Variants in NCAM2 observed in about 807,000 individuals in gnomAD.
NCAM2 encodes neural cell adhesion molecule 2, also known as N-CAM-2.
Under a neutral mutation model 98.1 loss-of-function variants are expected in NCAM2, and 30 were observed. That is an observed-to-expected ratio of 0.31 (90% CI 0.23 to 0.41). The LOEUF is 0.41. NCAM2 is among the 10% of genes least tolerant of loss of function. NCAM2 has a pLI of 1.00. For synonymous variants in NCAM2, 368 were observed against 342.4 expected, an observed-to-expected ratio of 1.07 and a Z score of -0.83; for missense variants, 867 against 1,005.8, an observed-to-expected ratio of 0.86 and a Z score of 1.87.
chr21:21,280,246 T>A (rs2072880687), intron 1 of NCAM2, among the ~76,000 whole-genome samples: 1 of 152,116 alleles, frequency 6.6e-6, no homozygotes, highest in African/African-American at 2.4e-5. Flanking sequence ...ATCTTTTTTT[T>A]AGCTATTGCC....
intron 13 of NCAM2, among the ~76,000 whole-genome samples, chr21:21,467,493 C>T (rs1983873451): frequency 6.7e-6 from 1 of 148,258 alleles, no homozygotes; most frequent in East Asian, 1.9e-4. Flanking sequence ...GAGTATCTCT[C>T]TATTGGTAAT....
At chr21:21,402,382 G>A (rs1238237397) in intron 9 of NCAM2, among the ~76,000 whole-genome samples, 1 of 152,098 alleles carries the variant, frequency 6.6e-6, no homozygotes, top group Non-Finnish European at 1.5e-5. Flanking sequence ...ATAGGCCCTG[G>A]AGTCCTGCAG....
At chr21:21,368,517 C>A (rs1212508990) in intron 8 of NCAM2, among the ~76,000 whole-genome samples, 1 of 151,844 alleles carries the variant, frequency 6.6e-6, no homozygotes, top group Admixed American at 6.6e-5. Context: ...AAATTTATTT[C>A]TCACAGTTCT....
Position 21,284,385 on chromosome 21 carries a change from G to T in NCAM2, c.322G>T (p.Val108Phe). Residue 108 changes from valine to phenylalanine, a missense_variant, in exon 3 of 18, where the codon GTT becomes TTT. Physicochemically the swap from Val to Phe is conservative, Grantham distance 50. This residue lies in a region of NCAM2 where 447 missense variants were observed against 495.7 expected (regional missense o/e 0.90). Transcript: ENST00000400546. ...AGGACAAACACAAGAAGCTACAGTA[G>T]TTTTGGAAATTTACCGTAAGTAATG... ...AKGQTQEATV[V>F]LEIYQKLTFR... is the part of the protein sequence containing the mutation. 6.2e-7 allele frequency: 1 copy of T among 1,610,932 alleles called. No homozygotes were observed.
At chr21:21,449,998 T>G (rs1045001440) in intron 12 of NCAM2, among the ~76,000 whole-genome samples, 1 of 152,156 alleles carries the variant, frequency 6.6e-6, no homozygotes, top group Non-Finnish European at 1.5e-5. Context: ...TTTAAACTAA[T>G]GTACTGTTTT....
chr21:21,335,599 C>G lies in NCAM2; in HGVS notation c.832C>G (p.Pro278Ala). 1.2e-6 allele frequency: 2 copies of G among 1,611,590 alleles called. No individual in the cohort carries two copies. Residue 278 changes from proline to alanine, a missense_variant, in exon 7 of 18, where the codon CCT becomes GCT. Physicochemically the swap from Pro to Ala is conservative, Grantham distance 27. This residue lies in a region of NCAM2 where 447 missense variants were observed against 495.7 expected (regional missense o/e 0.90). Coordinates refer to ENST00000400546, the MANE Select transcript of NCAM2 (RefSeq NM_004540.5). ...VRNIINSDGG[P>A]YVCRATNKAG... ...GAACATAATCAATAGTGATGGTGGT[C>G]CTTATGTCTGCAGGGCCACAAATAA...
chr21:21,390,167 T>C (rs2145823169), intron 9 of NCAM2, among the ~76,000 whole-genome samples: 1 of 152,246 alleles, frequency 6.6e-6, no homozygotes, highest in East Asian at 1.9e-4. Flanking sequence ...TTTTTTTATA[T>C]TGACTACGTG....
At chr21:21,332,812 T>C (rs994298541) in intron 6 of NCAM2, among the ~76,000 whole-genome samples, 5 of 152,192 alleles carry the variant, frequency 3.3e-5, no homozygotes, top group Non-Finnish European at 5.9e-5. Flanking sequence ...GCGATGGAGG[T>C]ACTCATATGC....
At chr21:21,217,452 T>C (rs2087488632) in intron 1 of NCAM2, among the ~76,000 whole-genome samples, 1 of 152,148 alleles carries the variant, frequency 6.6e-6, no homozygotes, top group African/African-American at 2.4e-5. Flanking sequence ...TACTTAATTA[T>C]GTCTCTGTTG....
chr21:21,519,429 G>A (rs1029593777), intron 16 of NCAM2, among the ~76,000 whole-genome samples: 3 of 152,024 alleles, frequency 2.0e-5, no homozygotes, highest in Admixed American at 2.0e-4. Context: ...GATATAGTTG[G>A]GGTAGTGTCA....
chr21:21,335,784 G>C (rs767352541), intron 7 of NCAM2, 119 bp downstream of exon 7: 1 of 891,852 alleles, frequency 1.1e-6, no homozygotes, highest in Non-Finnish European at 1.5e-6. Context: ...CCTCTTCTCT[G>C]TAATATGTTT....
intron 1 of NCAM2, among the ~76,000 whole-genome samples, chr21:21,172,021 C>T (rs2068141401): frequency 6.6e-6 from 1 of 152,074 alleles, no homozygotes; most frequent in Non-Finnish European, 1.5e-5. Context: ...CTCAAATAAC[C>T]TTAATAAATC....
intron 8 of NCAM2, among the ~76,000 whole-genome samples, chr21:21,343,814 A>G (rs2075114390): frequency 6.6e-6 from 1 of 152,138 alleles, no homozygotes; most frequent in Non-Finnish European, 1.5e-5. Context: ...TCTAGGCCAT[A>G]AGGACTGCAA....
chr21:21,307,008 G>T (rs1185866217), intron 5 of NCAM2, among the ~76,000 whole-genome samples: 1 of 152,034 alleles, frequency 6.6e-6, no homozygotes, highest in Non-Finnish European at 1.5e-5. Flanking sequence ...TATCCATGTG[G>T]TTGCAAATAA....
At chr21:21,498,902 A>C (rs1031832460) in intron 15 of NCAM2, among the ~76,000 whole-genome samples, 8 of 152,168 alleles carry the variant, frequency 5.3e-5, no homozygotes, top group Admixed American at 1.3e-4. Flanking sequence ...GAAGAAGAGA[A>C]TGCCTCCCAA....
chr21:21,220,086 A>G (rs1213062011), intron 1 of NCAM2, among the ~76,000 whole-genome samples: 1 of 152,180 alleles, frequency 6.6e-6, no homozygotes, highest in Admixed American at 6.5e-5. Context: ...ATAAAGTAAA[A>G]AAAGTTGCAG....
chr21:21,495,237 A>G (rs890190407), intron 15 of NCAM2, among the ~76,000 whole-genome samples: 3 of 151,994 alleles, frequency 2.0e-5, no homozygotes, highest in Non-Finnish European at 4.4e-5. Flanking sequence ...TTTAGTTTCT[A>G]TTTTTAAAAT....
At chr21:21,243,498 T>C (rs1269185893) in intron 1 of NCAM2, among the ~76,000 whole-genome samples, 1 of 152,118 alleles carries the variant, frequency 6.6e-6, no homozygotes. Flanking sequence ...TTGATGAAAA[T>C]TTATTTGACA....
chr21:21,495,829 T>C (rs1987187239), intron 15 of NCAM2, among the ~76,000 whole-genome samples: 2 of 151,916 alleles, frequency 1.3e-5, no homozygotes, highest in Non-Finnish European at 2.9e-5. Context: ...TTCTTTATTA[T>C]GTTTCCTTGA....
Sources: gnomAD v4.1 joint callset for allele counts (sites outside exome capture counted in the v4.1 genomes callset) on GRCh38, gnomAD v4.1.1 for gene constraint, gnomAD v4.1.1 regional missense constraint, MANE v1.5 for transcripts, NCBI Gene and HGNC (gene_info 2026-07-23, HGNC 2026-07-21) for gene names.